CNTNAP5: variants seen among roughly 807,000 people sequenced by gnomAD.
The protein encoded by CNTNAP5 is contactin associated protein family member 5, also known as contactin-associated protein-like 5.
In CNTNAP5, 72 loss-of-function variants were observed where a neutral mutation model predicts 150.2. That is an observed-to-expected ratio of 0.48 (90% CI 0.40 to 0.58). The LOEUF (loss-of-function observed/expected upper bound fraction) is 0.58. Among genes scored for constraint, CNTNAP5 ranks in the 20% least tolerant of loss-of-function variants. The pLI, the probability that CNTNAP5 is intolerant of heterozygous loss-of-function variation, is 0.00. For synonymous variants in CNTNAP5, 672 were observed against 619.8 expected (o/e 1.08, Z -1.25); for missense variants, 1,636 against 1,626.2 (o/e 1.01, Z -0.10).
At chr2:124,124,989 G>A (rs1683652547) in intron 1 of CNTNAP5, among the ~76,000 whole-genome samples, 1 of 152,188 alleles carries the variant, frequency 6.6e-6, no homozygotes, top group African/African-American at 2.4e-5. Flanking sequence ...TCAATGCTAG[G>A]AAGAAACTGC....
intron 11 of CNTNAP5, among the ~76,000 whole-genome samples, chr2:124,585,998 A>T (rs2104954047): frequency 6.6e-6 from 1 of 152,270 alleles, no homozygotes; most frequent in African/African-American, 2.4e-5. Flanking sequence ...CAGGATATGG[A>T]TCTGCTTCTC....
intron 13 of CNTNAP5, among the ~76,000 whole-genome samples, chr2:124,715,805 G>C (rs1445341440): frequency 6.6e-6 from 1 of 152,098 alleles, no homozygotes; most frequent in Non-Finnish European, 1.5e-5. Context: ...ATTGGATATG[G>C]GGGAACAGCT....
intron 11 of CNTNAP5, among the ~76,000 whole-genome samples, chr2:124,601,504 A>G (rs1696982245): frequency 2.6e-5 from 4 of 152,198 alleles, no homozygotes; most frequent in Admixed American, 2.6e-4. Flanking sequence ...TGTAAGATAG[A>G]GACCAAAACA....
chr2:124,865,794 A>G (rs923044751), intron 20 of CNTNAP5, among the ~76,000 whole-genome samples: 6 of 151,938 alleles, frequency 3.9e-5, no homozygotes, highest in Non-Finnish European at 7.4e-5. Flanking sequence ...AAATACAAAA[A>G]TTAGCCAGGT....
At chr2:124,130,769 C>G (rs944841822) in intron 1 of CNTNAP5, among the ~76,000 whole-genome samples, 1 of 151,984 alleles carries the variant, frequency 6.6e-6, no homozygotes, top group Non-Finnish European at 1.5e-5. Flanking sequence ...ACTAGGCCAC[C>G]AACCCTAATC....
At position 124,350,633 on chromosome 2, in the gene CNTNAP5, T is replaced by C. The variant is rs894678336; in HGVS notation, c.382-66810T>C. 3.3e-5 allele frequency among the ~76,000 whole-genome samples: 5 copies of C among 151,722 alleles called. No homozygotes were observed. In the South Asian group the frequency reaches 1.0e-3, roughly 32 times the overall value. ...TTTATGTGGAGAATGACTTGAGGAT[T>C]TTTTTTTAAGAATAGAAGGTATAAA... On this transcript the variant is annotated intron_variant, in intron 3 of 23. Coordinates refer to ENST00000682447, the MANE Select transcript of CNTNAP5 (RefSeq NM_001367498.1).
At chr2:124,904,172 C>T (rs1312667662) in intron 22 of CNTNAP5, among the ~76,000 whole-genome samples, 1 of 151,518 alleles carries the variant, frequency 6.6e-6, no homozygotes, top group East Asian at 1.9e-4. Context: ...CCGCCGTTCT[C>T]TCTGTTTCTA....
chr2:124,754,685 AT>A (rs980021820), intron 14 of CNTNAP5, among the ~76,000 whole-genome samples: 6 of 151,316 alleles, frequency 4.0e-5, no homozygotes, highest in Non-Finnish European at 8.8e-5. Flanking sequence ...CTGGGTTTCA[AT>A]TTTTTTTTAT....
At chr2:124,531,934 A>G (rs567152892) in intron 10 of CNTNAP5, among the ~76,000 whole-genome samples, 1 of 152,346 alleles carries the variant, frequency 6.6e-6, no homozygotes, top group East Asian at 1.9e-4. Context: ...TTTAGCAGCC[A>G]TTGCAACTGG....
intron 7 of CNTNAP5, among the ~76,000 whole-genome samples, chr2:124,497,205 G>A (rs1301585024): frequency 6.6e-6 from 1 of 152,156 alleles, no homozygotes; most frequent in South Asian, 2.1e-4. Flanking sequence ...TAAATGGCTT[G>A]AGTCACTAAT....
intron 3 of CNTNAP5, among the ~76,000 whole-genome samples, chr2:124,275,593 A>G (rs1687866061): frequency 6.6e-6 from 1 of 152,130 alleles, no homozygotes; most frequent in South Asian, 2.1e-4. Flanking sequence ...CTCTGTGTCT[A>G]TTTCAATTTC....
chr2:124,831,514 CA>C (rs1236803805), intron 19 of CNTNAP5, among the ~76,000 whole-genome samples: 1 of 150,848 alleles, frequency 6.6e-6, no homozygotes, highest in Non-Finnish European at 1.5e-5. Context: ...ATTTTTCCAT[CA>C]AAAAACCATA....
chr2:124,356,169 T>C (rs1689998005), intron 3 of CNTNAP5, among the ~76,000 whole-genome samples: 1 of 152,098 alleles, frequency 6.6e-6, no homozygotes, highest in Admixed American at 6.6e-5. Context: ...TATGATAAAA[T>C]TATAACAAAT....
At chr2:124,832,141 G>C (rs1405867308) in intron 19 of CNTNAP5, among the ~76,000 whole-genome samples, 1 of 152,036 alleles carries the variant, frequency 6.6e-6, no homozygotes, top group African/African-American at 2.4e-5. Context: ...ATATAGAACT[G>C]TCTCTTCAGT....
chr2:124,313,734 A>C (rs1173939652), intron 3 of CNTNAP5, among the ~76,000 whole-genome samples: 1 of 152,164 alleles, frequency 6.6e-6, no homozygotes, highest in East Asian at 1.9e-4. Context: ...TACAGCATAC[A>C]CCCTAGGCAG....
At position 124,606,180 on chromosome 2, in the gene CNTNAP5, G is replaced by A. The variant is rs981115333; in HGVS notation, c.1757-3621G>A. Among the ~76,000 whole-genome samples the A allele has an allele frequency of 2.6e-5, 4 of 152,228 alleles. No individual in the cohort carries two copies. In the East Asian group the frequency reaches 7.7e-4, roughly 29 times the overall value. Reference sequence around the variant, plus strand: ...AAAAGTAATCACATTATAATATGTAGTTAATCTATGAATAGCATTTACAAT... The same window carrying A: ...AAAAGTAATCACATTATAATATGTAATTAATCTATGAATAGCATTTACAAT... On this transcript the variant is annotated intron_variant, in intron 11 of 23. Coordinates refer to ENST00000682447, the MANE Select transcript of CNTNAP5 (RefSeq NM_001367498.1).
chr2:124,723,468 A>G (rs1304919347), intron 13 of CNTNAP5, among the ~76,000 whole-genome samples: 5 of 152,190 alleles, frequency 3.3e-5, no homozygotes, highest in African/African-American at 1.2e-4. Flanking sequence ...AAACTTGTCT[A>G]GCCTTTGCAT....
At chr2:124,655,418 A>C (rs991129150) in intron 13 of CNTNAP5, among the ~76,000 whole-genome samples, 1 of 152,106 alleles carries the variant, frequency 6.6e-6, no homozygotes, top group African/African-American at 2.4e-5. Context: ...GGTTGGTCCC[A>C]AGTCTTTGTT....
intron 3 of CNTNAP5, among the ~76,000 whole-genome samples, chr2:124,406,123 C>G (rs1296582585): frequency 6.6e-6 from 1 of 152,084 alleles, no homozygotes; most frequent in Non-Finnish European, 1.5e-5. Flanking sequence ...TGATTAACTT[C>G]CAAATATTTG....
Sources: allele counts gnomAD v4.1 joint callset (sites outside exome capture counted in the v4.1 genomes callset), GRCh38; gene constraint gnomAD v4.1.1; transcripts MANE v1.5; gene names NCBI Gene and HGNC (gene_info 2026-07-23, HGNC 2026-07-21).